PCM1: variants seen among roughly 807,000 people sequenced by gnomAD.
PCM1 encodes the protein pericentriolar material 1 protein.
In PCM1, 157 loss-of-function variants were observed where a neutral mutation model predicts 241.9. The ratio of observed to expected loss-of-function variants is 0.65; its 90% CI spans 0.57 to 0.74. PCM1 has a LOEUF of 0.74. Among genes scored for constraint, PCM1 ranks in the 30% least tolerant of loss-of-function variants. The pLI, the probability that PCM1 is intolerant of heterozygous loss-of-function variation, is 0.00. For synonymous variants in PCM1, 1,085 were observed against 784.9 expected, an observed-to-expected ratio of 1.38 and a Z score of -6.39; for missense variants, 3,478 against 2,360.1, an observed-to-expected ratio of 1.47 and a Z score of -9.81.
chr8:17,934,245 T>C (rs916865941), intron 2 of PCM1, among the ~76,000 whole-genome samples: 5 of 150,746 alleles, frequency 3.3e-5, no homozygotes, highest in African/African-American at 1.2e-4. Flanking sequence ...TTTATCATTA[T>C]TACTATTTAT....
intron 23 of PCM1, among the ~76,000 whole-genome samples, chr8:17,974,006 G>A (rs2077770316): frequency 6.6e-6 from 1 of 152,148 alleles, no homozygotes; most frequent in Non-Finnish European, 1.5e-5. Flanking sequence ...ATCTATCCTT[G>A]AAGTCCTTGG....
intron 6 of PCM1, among the ~76,000 whole-genome samples, chr8:17,942,723 C>T (rs553903572): frequency 2.6e-5 from 4 of 152,096 alleles, no homozygotes; most frequent in Admixed American, 1.3e-4. Flanking sequence ...AGGCCGGGCA[C>T]GGTGGCTCAC....
At chr8:18,027,585 A>T in intron 38 of PCM1, 52 bp from the exon 39 acceptor site, 1 of 1,316,938 alleles carries the variant, frequency 7.6e-7, no homozygotes, top group East Asian at 2.3e-5. Flanking sequence ...ACAATGTTAA[A>T]TTCTAGTAAT....
intron 8 of PCM1, among the ~76,000 whole-genome samples, chr8:17,951,607 A>G (rs2066034910): frequency 2.0e-5 from 3 of 152,334 alleles, no homozygotes; most frequent in East Asian, 3.9e-4. Context: ...TGAATACAAA[A>G]TTCAAGTTTA....
rs576426418 is a variant in PCM1 at position 18,008,247 on chromosome 8, A to C, written c.4963-1300A>C. On this transcript the variant is annotated intron_variant, in intron 30 of 38. Coordinates refer to ENST00000325083, the MANE Select transcript of PCM1 (RefSeq NM_006197.4). Reference sequence around the variant, plus strand: ...AGATCAGCAGCAGCATTAGATTCTCATAGGAGTGTGAACCCTACTGTGAAC... The same window carrying C: ...AGATCAGCAGCAGCATTAGATTCTCCTAGGAGTGTGAACCCTACTGTGAAC... 7.2e-5 allele frequency among the ~76,000 whole-genome samples: 11 copies of C among 152,118 alleles called. No homozygotes were observed. The South Asian group carries it at 1.7e-3, about 23-fold the overall frequency.
rs746451318 is a variant in PCM1 at position 17,980,545 on chromosome 8, T to C, written c.3944-46T>C. On this transcript the variant is annotated intron_variant, in intron 23 of 38. Transcript: ENST00000325083. Reference sequence around the variant, plus strand: ...AATGGAAACCGATTTCCCTTTTAGTTTGAGTTAGTTGCAACTGATAACAGT... The same window carrying C: ...AATGGAAACCGATTTCCCTTTTAGTCTGAGTTAGTTGCAACTGATAACAGT... 1.2e-5 allele frequency: 18 copies of C among 1,502,600 alleles called. No individual in the cohort carries two copies. In the African/African-American group the frequency reaches 1.8e-4, roughly 15 times the overall value. 93.1% of individuals were successfully genotyped at this position (1,502,600 alleles called of 1,614,324 possible). A position where few individuals can be genotyped will look rare whatever the true frequency, so the allele number is the denominator to read the frequency against.
intron 3 of PCM1, among the ~76,000 whole-genome samples, chr8:17,935,957 G>T (rs1439430982): frequency 6.6e-6 from 1 of 152,116 alleles, no homozygotes; most frequent in Non-Finnish European, 1.5e-5. Flanking sequence ...AAGACATGCA[G>T]CTGGGTTTTA....
intron 36 of PCM1, among the ~76,000 whole-genome samples, chr8:18,023,603 A>C (rs112815388): frequency 9.2e-5 from 14 of 152,236 alleles, no homozygotes; most frequent in African/African-American, 3.1e-4. Context: ...AATTTAAAAG[A>C]TCTTAATAAA....
At chr8:18,009,397 A>G (rs1252602777) in intron 30 of PCM1, 150 bp from the exon 31 acceptor site, 1 of 598,016 alleles carries the variant, frequency 1.7e-6, no homozygotes, top group African/African-American at 1.9e-5. Flanking sequence ...CCCACTTAGT[A>G]ATATAGCAGT....
At chr8:17,965,671 G>A (rs1458050179) in intron 18 of PCM1, among the ~76,000 whole-genome samples, 3 of 152,206 alleles carry the variant, frequency 2.0e-5, no homozygotes, top group Non-Finnish European at 4.4e-5. Context: ...AGCTCCACTT[G>A]ATGAAATACT....
At chr8:17,924,558 G>C (rs1239779302) in intron 1 of PCM1, among the ~76,000 whole-genome samples, 155 bp from the exon 2 acceptor site, 4 of 152,170 alleles carry the variant, frequency 2.6e-5, no homozygotes, top group Non-Finnish European at 5.9e-5. Flanking sequence ...CAAAAGAATT[G>C]AGGTAACTTA....
rs1279495519 is a variant in PCM1, at chr8:17,950,713, C to T, written c.1060C>T (p.Arg354Cys). The stretch of plus-strand genomic sequence containing the variant: ...AATTCAGCGTTTTCATAATCAGCTT[C>T]GTGATTCTCAGGTAACCTAGATGTT... ...DLIQRFHNQLRDSQPPAVPDN... is the reference protein window; with the variant it reads ...DLIQRFHNQLCDSQPPAVPDN... The change falls in exon 8 of 39, where the codon CGT becomes TGT. Residue 354 changes from arginine to cysteine, a missense_variant. Transcript: ENST00000325083. 9.6e-6 allele frequency: 15 copies of T among 1,566,202 alleles called. No homozygotes were observed. Among genetic ancestry groups the T allele is most frequent in the East Asian group, 9.0e-5 (4 of 44,236 alleles).
rs2092552234 is a variant in PCM1, at chr8:18,011,785, G to A, written c.5469G>A (p.Gln1823=). ...CTGTGGATGTCCAGACTTCCCTCCA[G>A]GCTAACACTGAAGCTACTGAAGAAA... The part of the protein sequence containing the change: ...EGPVDVQTSL[Q]ANTEATEENE... Residue 1823 remains glutamine (Q), a synonymous_variant, in exon 34 of 39, where the codon CAG becomes CAA. Coordinates refer to ENST00000325083, the MANE Select transcript of PCM1 (RefSeq NM_006197.4). The A allele has an allele frequency of 1.9e-6, 3 of 1,613,540 alleles. No individual in the cohort carries two copies. The highest frequency in any genetic ancestry group is 2.7e-5 in the African/African-American group (2 of 75,012).
chr8:17,972,970 C>T (rs1438811062), intron 23 of PCM1, among the ~76,000 whole-genome samples: 3 of 151,970 alleles, frequency 2.0e-5, no homozygotes, highest in African/African-American at 7.2e-5. Flanking sequence ...GCCAAATGCC[C>T]ACGTTTACTA....
Position 18,013,012 on chromosome 8 carries a change from A to C in PCM1, c.5512-952A>C, listed in dbSNP as rs111917050. On this transcript the variant is annotated intron_variant, in intron 34 of 38. Coordinates refer to ENST00000325083, the MANE Select transcript of PCM1 (RefSeq NM_006197.4). ...ATTGAACAGTGATATATCAAAAAGCAAGTTAAGGTTCTTTTGGGCTTCACT... is the reference window on the plus strand; with the variant it reads ...ATTGAACAGTGATATATCAAAAAGCCAGTTAAGGTTCTTTTGGGCTTCACT... 8.5e-4 allele frequency among the ~76,000 whole-genome samples: 129 copies of C among 152,296 alleles called. 1 individual carries two copies. The highest frequency in any genetic ancestry group is 3.0e-3 in the African/African-American group (126 of 41,556).
At position 17,952,997 on chromosome 8, in the gene PCM1, C is replaced by G. The variant is rs951867183; in HGVS notation, c.1099C>G (p.Gln367Glu). 5.0e-6 allele frequency: 8 copies of G among 1,600,026 alleles called. No individual in the cohort carries two copies. The highest frequency in any genetic ancestry group is 6.8e-6 in the Non-Finnish European group (8 of 1,172,420). The change falls in exon 9 of 39, where the codon CAG becomes GAG. Residue 367 changes from glutamine (Q) to glutamate (E), a missense_variant. By Grantham distance (29) the Gln-to-Glu change is conservative. Coordinates refer to ENST00000325083, the MANE Select transcript of PCM1 (RefSeq NM_006197.4). ...TCCAGCTGTTCCAGACAATAGAAGACAGGCAGAAAGTCTTTCATTAACTAG... is the reference window on the plus strand; with the variant it reads ...TCCAGCTGTTCCAGACAATAGAAGAGAGGCAGAAAGTCTTTCATTAACTAG... ...QPPAVPDNRR[Q>E]AESLSLTREV...
chr8:17,989,655 T>G (rs2083822122), intron 26 of PCM1, among the ~76,000 whole-genome samples: 1 of 152,060 alleles, frequency 6.6e-6, no homozygotes, highest in African/African-American at 2.4e-5. Flanking sequence ...GCAAGGCTAC[T>G]TATATCACTG....
chr8:18,025,579 G>T lies in PCM1; in HGVS notation c.5970G>T (p.Gln1990His). The T allele has an allele frequency of 6.3e-7, 1 of 1,584,362 alleles. No individual in the cohort carries two copies. The highest frequency in any genetic ancestry group is 8.6e-7 in the Non-Finnish European group (1 of 1,165,466). Residue 1990 changes from glutamine (Q) to histidine (H), a missense_variant, in exon 38 of 39, where the codon CAG becomes CAT. Transcript: ENST00000325083. ...DLRKKMVEEE[Q>H]KNHLSGEICE... is the part of the protein sequence containing the mutation. ...GAAAGAAAATGGTAGAAGAAGAACA[G>T]AAAAACCATTTATCTGGTGAAATAT... is the stretch of plus-strand genomic sequence containing the variant.
intron 36 of PCM1, among the ~76,000 whole-genome samples, chr8:18,021,878 C>T (rs963307659): frequency 1.3e-5 from 2 of 152,170 alleles, no homozygotes; most frequent in East Asian, 1.9e-4. Context: ...TATTTGTTAG[C>T]TCTGAAATGA....
Sources: allele counts gnomAD v4.1 joint callset (sites outside exome capture counted in the v4.1 genomes callset), GRCh38; gene constraint gnomAD v4.1.1; transcripts MANE v1.5; gene names NCBI Gene and HGNC (gene_info 2026-07-23, HGNC 2026-07-21).